C1orf21: variants seen among roughly 807,000 people sequenced by gnomAD.
C1orf21 encodes the protein uncharacterized protein C1orf21.
In C1orf21, 3 loss-of-function variants were observed where a neutral mutation model predicts 18.7. That is an observed-to-expected ratio of 0.16 (90% CI 0.07 to 0.42). The LOEUF (loss-of-function observed/expected upper bound fraction) is 0.42, where lower values mean the gene tolerates loss of function less well. C1orf21 is among the 10% of genes least tolerant of loss of function. The probability of loss-of-function intolerance (pLI) is 0.99; values close to 1 mark genes in which losing one functional copy is unlikely to be tolerated. For synonymous variants in C1orf21, 41 were observed against 46.4 expected, an observed-to-expected ratio of 0.88 and a Z score of 0.47; for missense variants, 104 against 143.6, an observed-to-expected ratio of 0.72 and a Z score of 1.41.
chr1:184,450,009 A>C (rs1041959895), intron 1 of C1orf21, among the ~76,000 whole-genome samples: 2 of 152,210 alleles, frequency 1.3e-5, no homozygotes, highest in South Asian at 4.1e-4. Context: ...GACAGAACAC[A>C]AGACGGAGGG....
intron 5 of C1orf21, among the ~76,000 whole-genome samples, chr1:184,616,802 C>T (rs1659833379): frequency 6.6e-6 from 1 of 152,160 alleles, no homozygotes; most frequent in African/African-American, 2.4e-5. Context: ...CCTCTAAACT[C>T]CACATTGGCT....
At chr1:184,444,667 A>G (rs770678351) in intron 1 of C1orf21, among the ~76,000 whole-genome samples, 29 of 152,134 alleles carry the variant, frequency 1.9e-4, no homozygotes, top group Non-Finnish European at 3.8e-4. Flanking sequence ...ATTTGGACCT[A>G]CTTCCTTTAT....
intron 1 of C1orf21, among the ~76,000 whole-genome samples, chr1:184,410,795 A>ACAGGC (rs1383009724): frequency 1.7e-5 from 2 of 116,720 alleles, no homozygotes; most frequent in Non-Finnish European, 3.2e-5. Context: ...CTCCCTCCTT[A>ACAGGC]CAGGCGCCTC....
At chr1:184,485,995 A>G (rs1195480590) in intron 2 of C1orf21, among the ~76,000 whole-genome samples, 4 of 152,206 alleles carry the variant, frequency 2.6e-5, no homozygotes, top group Non-Finnish European at 5.9e-5. Context: ...ATAAGTGAGG[A>G]ACATGGTCTT....
intron 1 of C1orf21, among the ~76,000 whole-genome samples, chr1:184,466,906 T>C (rs1478973765): frequency 2.0e-5 from 3 of 151,970 alleles, no homozygotes; most frequent in Non-Finnish European, 4.4e-5. Context: ...ATTGTTGAAA[T>C]AAATAAATAG....
intron 2 of C1orf21, among the ~76,000 whole-genome samples, chr1:184,506,708 T>C (rs1183350830): frequency 6.6e-6 from 1 of 152,222 alleles, no homozygotes; most frequent in East Asian, 1.9e-4. Context: ...GCTCAAATCA[T>C]TTCCTGTTGA....
intron 2 of C1orf21, among the ~76,000 whole-genome samples, chr1:184,499,052 T>C (rs1657933975): frequency 6.6e-6 from 1 of 152,198 alleles, no homozygotes; most frequent in South Asian, 2.1e-4. Flanking sequence ...TCCAGAACAT[T>C]GAAAGGGCTC....
At chr1:184,563,749 G>A (rs917239491) in intron 3 of C1orf21, among the ~76,000 whole-genome samples, 9 of 152,314 alleles carry the variant, frequency 5.9e-5, no homozygotes, top group Admixed American at 2.6e-4. Flanking sequence ...TGGCTGGTTC[G>A]AGGAGATTTC....
intron 1 of C1orf21, among the ~76,000 whole-genome samples, chr1:184,410,648 TATATATA>T (rs1656329531): frequency 1.4e-4 from 1 of 7,006 alleles, no homozygotes; most frequent in Non-Finnish European, 2.0e-4. Context: ...TATATATATA[TATATATA>T]TATATATATT....
rs1571335225 is a variant in C1orf21, at chr1:184,387,629, C to G, written c.-125+261C>G. Among the ~76,000 whole-genome samples, 1 of 151,626 alleles carries G rather than the reference C, an allele frequency of 6.6e-6. No individual in the cohort carries two copies. The highest frequency in any genetic ancestry group is 2.1e-4 in the South Asian group (1 of 4,766). Reference sequence around the variant, plus strand: ...CGCGAGGGGCGTCTGCCGGCCTGGGCGGAGGGGCTGGGATGTGGTCGGGGC... The same window carrying G: ...CGCGAGGGGCGTCTGCCGGCCTGGGGGGAGGGGCTGGGATGTGGTCGGGGC... On this transcript the variant is annotated intron_variant, in intron 1 of 5. Coordinates refer to ENST00000235307, the MANE Select transcript of C1orf21 (RefSeq NM_030806.4). This position sits in a 1 kb window ranked among gnomAD's most constrained non-coding sequence, Gnocchi z 5.6.
At chr1:184,510,891 A>AT (rs1343255667) in intron 3 of C1orf21, among the ~76,000 whole-genome samples, 1 of 152,154 alleles carries the variant, frequency 6.6e-6, no homozygotes, top group East Asian at 1.9e-4. Flanking sequence ...AGTCACAATA[A>AT]TTTTTTCAAG....
At position 184,387,043 on chromosome 1, in the gene C1orf21, C is replaced by G. The variant is rs1160874685; in HGVS notation, c.-450C>G. ...CTCCCTCGCTCGCTCCTCGCAAGCTCCCGCTCGCTCCCTGCCCACTCCCGG... is the reference window on the plus strand; with the variant it reads ...CTCCCTCGCTCGCTCCTCGCAAGCTGCCGCTCGCTCCCTGCCCACTCCCGG... On this transcript the variant is annotated 5_prime_UTR_variant, in exon 1 of 6. Transcript: ENST00000235307. This position sits in a 1 kb window ranked among gnomAD's most constrained non-coding sequence, Gnocchi z 5.6. 6.6e-6 allele frequency: 1 copy of G among 151,560 alleles called. No homozygotes were observed. The highest frequency in any genetic ancestry group is 2.0e-4 in the East Asian group (1 of 5,002). 9.4% of individuals were successfully genotyped at this position (151,560 alleles called of 1,614,324 possible).
intron 1 of C1orf21, among the ~76,000 whole-genome samples, chr1:184,416,622 A>G (rs1451575183): frequency 6.6e-6 from 1 of 152,204 alleles, no homozygotes; most frequent in Non-Finnish European, 1.5e-5. Context: ...TTCATTGCTT[A>G]AGGGCTACAC....
chr1:184,587,275 T>C (rs937969680), intron 3 of C1orf21, among the ~76,000 whole-genome samples: 1 of 151,638 alleles, frequency 6.6e-6, no homozygotes, highest in African/African-American at 2.4e-5. Flanking sequence ...TTTTTTTTTT[T>C]TTTTTTCGGT....
intron 1 of C1orf21, among the ~76,000 whole-genome samples, chr1:184,399,220 A>G (rs1458711112): frequency 6.6e-6 from 1 of 151,994 alleles, no homozygotes; most frequent in African/African-American, 2.4e-5. Context: ...TCCTGACTGC[A>G]TCTTCTTTGT....
chr1:184,609,438 G>C (rs1659695644), intron 5 of C1orf21, among the ~76,000 whole-genome samples: 1 of 152,220 alleles, frequency 6.6e-6, no homozygotes, highest in Non-Finnish European at 1.5e-5. Flanking sequence ...TCAGAGCAAA[G>C]AGCTCTAAAG....
In C1orf21 at chr1:184,387,611, G is replaced by A. The variant is rs530332295; in HGVS notation, c.-125+243G>A. Among the ~76,000 whole-genome samples the A allele has an allele frequency of 2.0e-3, 301 of 152,184 alleles. 1 individual carries two copies. The highest frequency in any genetic ancestry group is 6.6e-3 in the African/African-American group (276 of 41,538). ...AAGCTGGGGTGGGGGAGCCGCGAGG[G>A]GCGTCTGCCGGCCTGGGCGGAGGGG... On this transcript the variant is annotated intron_variant, in intron 1 of 5. Transcript: ENST00000235307. This position sits in a 1 kb window ranked among gnomAD's most constrained non-coding sequence, Gnocchi z 5.6.
In C1orf21 at chr1:184,485,411, C is replaced by A. The variant is rs542892432; in HGVS notation, c.94+7808C>A. Among the ~76,000 whole-genome samples the A allele has an allele frequency of 2.0e-5, 3 of 152,232 alleles. No individual in the cohort carries two copies. In the East Asian group the frequency reaches 5.8e-4, roughly 29 times the overall value. On this transcript the variant is annotated intron_variant, in intron 2 of 5. Coordinates refer to ENST00000235307, the MANE Select transcript of C1orf21 (RefSeq NM_030806.4). ...TGCTGCTTTTTATCTAATGTGGCTA[C>A]TAGAAGCATTAAAAGTACACACATA...
At chr1:184,572,783 C>A (rs1303938807) in intron 3 of C1orf21, among the ~76,000 whole-genome samples, 2 of 152,070 alleles carry the variant, frequency 1.3e-5, no homozygotes, top group African/African-American at 4.8e-5. Context: ...GAAACCCCAT[C>A]TCTACTGAAA....
Sources: gnomAD v4.1 joint callset for allele counts (sites outside exome capture counted in the v4.1 genomes callset) on GRCh38, gnomAD v4.1.1 for gene constraint, Gnocchi (gnomAD v3.1) non-coding constraint, MANE v1.5 for transcripts, NCBI Gene and HGNC (gene_info 2026-07-23, HGNC 2026-07-21) for gene names.